Variants in DMXL2 observed in about 807,000 individuals in gnomAD.
The protein encoded by DMXL2 is dmX-like protein 2.
DMXL2 carries 103 observed loss-of-function variants against 331.1 expected under a neutral mutation model. That is an observed-to-expected ratio of 0.31 (90% CI 0.27 to 0.37). The LOEUF (loss-of-function observed/expected upper bound fraction) is 0.37, where lower values mean the gene tolerates loss of function less well. Among genes scored for constraint, DMXL2 ranks in the 10% least tolerant of loss-of-function variants. The pLI is 1.00. For missense variants in DMXL2, 3,171 were observed against 3,642.9 expected (o/e 0.87, Z 3.33); for synonymous variants, 1,281 against 1,252.1 (o/e 1.02, Z -0.49).
chr15:51,595,762 G>T (rs1272358726), intron 1 of DMXL2, among the ~76,000 whole-genome samples: 1 of 152,152 alleles, frequency 6.6e-6, no homozygotes, highest in African/African-American at 2.4e-5. Flanking sequence ...CAGAAATAAT[G>T]CCACATATCT....
rs1169208650 is a variant in DMXL2, at chr15:51,474,379, A to C, written c.7178T>G (p.Val2393Gly). 1.2e-5 allele frequency: 20 copies of C among 1,611,470 alleles called. No homozygotes were observed. The highest frequency in any genetic ancestry group is 1.7e-5 in the Non-Finnish European group (20 of 1,177,712). The change falls in exon 28 of 44, where the codon GTT (valine) becomes GGT (glycine). Residue 2393 changes from valine (V) to glycine (G), a missense_variant. Physicochemically the swap from Val to Gly is moderately radical, Grantham distance 109. Transcript: ENST00000560891. ...TTCTGATTGTCTTCGAGGTTTCACA[A>C]CAAGTTTTACACCGCCTCCAAAAAC... ...AAVFGGGVKLVVKPRRQSENI... is the reference protein window; with the variant it reads ...AAVFGGGVKLGVKPRRQSENI...
chr15:51,465,698 A>C, intron 30 of DMXL2, 47 bp from the exon 31 acceptor site: 1 of 1,360,620 alleles, frequency 7.3e-7, no homozygotes, highest in Non-Finnish European at 1.0e-6. Flanking sequence ...AAATAAAATC[A>C]TGGGAGAAAC....
chr15:51,547,217 T>G lies in DMXL2; in HGVS notation c.746+13A>C. 6.4e-7 allele frequency: 1 copy of G among 1,573,820 alleles called. No homozygotes were observed. The highest frequency in any genetic ancestry group is 1.4e-5 in the African/African-American group (1 of 72,250). ...AGGATGCAAACTAAAGCTACATGAT[T>G]CATTCATCTAACCTGGGCATATACT... On this transcript the variant is annotated intron_variant, in intron 7 of 43. Coordinates refer to ENST00000560891, the MANE Select transcript of DMXL2 (RefSeq NM_001378457.1).
intron 15 of DMXL2, among the ~76,000 whole-genome samples, chr15:51,513,130 C>A (rs1274159940): frequency 2.0e-5 from 3 of 152,124 alleles, no homozygotes; most frequent in Non-Finnish European, 4.4e-5. Flanking sequence ...CTGAGGAAAT[C>A]TTTTGGCCTG....
chr15:51,590,616 C>T (rs1417934640), intron 1 of DMXL2, among the ~76,000 whole-genome samples: 3 of 151,878 alleles, frequency 2.0e-5, no homozygotes, highest in Non-Finnish European at 4.4e-5. Context: ...TGGACTCAAA[C>T]TCCTAGGCTC....
intron 1 of DMXL2, among the ~76,000 whole-genome samples, chr15:51,592,441 T>C (rs1026626014): frequency 6.6e-5 from 10 of 152,204 alleles, no homozygotes; most frequent in African/African-American, 9.7e-5. Context: ...CTACGTCTCA[T>C]TGGTGTACCT....
rs2140369631 is a variant in DMXL2, at chr15:51,481,445, G to A, written c.5661C>T (p.Thr1887=). ...INLIERKLFF[T]TANAHFKVGC... ...CAACTTTAAAATGAGCATTTGCAGT[G>A]GTAAAGAATAATTTTCTTTCTATGA... Residue 1887 remains threonine (T), a synonymous_variant, in exon 24 of 44, where the codon ACC becomes ACT. Coordinates refer to ENST00000560891, the MANE Select transcript of DMXL2 (RefSeq NM_001378457.1). 1.2e-6 allele frequency: 2 copies of A among 1,612,376 alleles called. No individual in the cohort carries two copies. The highest frequency in any genetic ancestry group is 1.1e-5 in the South Asian group (1 of 90,806).
chr15:51,453,803 C>T (rs1023120618), intron 40 of DMXL2, among the ~76,000 whole-genome samples, 162 bp from the exon 41 acceptor site: 2 of 152,190 alleles, frequency 1.3e-5, no homozygotes, highest in Non-Finnish European at 2.9e-5. Context: ...TGAGGCTTAA[C>T]TGTCATGTGT....
chr15:51,611,956 C>T (rs1450960824), intron 1 of DMXL2, among the ~76,000 whole-genome samples: 1 of 152,232 alleles, frequency 6.6e-6, no homozygotes, highest in Non-Finnish European at 1.5e-5. Context: ...CGGCAACCCG[C>T]TCGGGTCCCC....
intron 31 of DMXL2, 45 bp from the exon 32 acceptor site, chr15:51,464,921 GATC>G (rs769009895): frequency 6.5e-5 from 94 of 1,449,858 alleles, no homozygotes; most frequent in Admixed American, 1.2e-4. Context: ...AAAAAATATC[GATC>G]ATCACCCAAA....
intron 32 of DMXL2, among the ~76,000 whole-genome samples, 168 bp downstream of exon 32, chr15:51,464,507 G>A (rs1243600288): frequency 6.6e-6 from 1 of 152,142 alleles, no homozygotes; most frequent in Non-Finnish European, 1.5e-5. Flanking sequence ...ATAATACTGG[G>A]AAAAATTCTA....
rs1436324238 is a variant in DMXL2 at position 51,448,851 on chromosome 15, C to T, written c.*133G>A. 4 of 877,774 alleles carry T rather than the reference C, an allele frequency of 4.6e-6. No homozygotes were observed. The highest frequency in any genetic ancestry group is 2.7e-5 in the East Asian group (1 of 37,728). The allele number at this position is 877,774 out of a possible 1,614,324, so 54.4% of individuals were successfully genotyped here. A position where few individuals can be genotyped will look rare whatever the true frequency, so the allele number is the denominator to read the frequency against. ...TCCACCAACCTGTTTAGATAATACT[C>T]AGCTTGGGTCATATTCAAATTCTAC... On this transcript the variant is annotated 3_prime_UTR_variant, in exon 44 of 44. Coordinates refer to ENST00000560891, the MANE Select transcript of DMXL2 (RefSeq NM_001378457.1).
Position 51,488,178 on chromosome 15 carries a change from G to A in DMXL2, c.5052-59C>T, listed in dbSNP as rs1334179808. On this transcript the variant is annotated intron_variant, in intron 21 of 43. Transcript: ENST00000560891. The stretch of plus-strand genomic sequence containing the variant: ...CCAAATTTAAAATGTTCTACAGAAT[G>A]TATAATAATATAAAATAAAAACCTC... 4 of 1,394,592 alleles carry A rather than the reference G, an allele frequency of 2.9e-6. No homozygotes were observed. In the African/African-American group the frequency reaches 5.9e-5, roughly 21 times the overall value. 86.4% of individuals were successfully genotyped at this position (1,394,592 alleles called of 1,614,324 possible).
At chr15:51,533,030 C>A (rs2048093761) in intron 13 of DMXL2, among the ~76,000 whole-genome samples, 1 of 152,170 alleles carries the variant, frequency 6.6e-6, no homozygotes, top group South Asian at 2.1e-4. Flanking sequence ...TTTGTATATT[C>A]TGGCCATAAC....
chr15:51,592,891 C>A (rs2052497511), intron 1 of DMXL2, among the ~76,000 whole-genome samples: 1 of 152,118 alleles, frequency 6.6e-6, no homozygotes, highest in African/African-American at 2.4e-5. Flanking sequence ...GCCAGGCCTG[C>A]CCTAAAAGAG....
chr15:51,621,974 T>A (rs1158797489), intron 1 of DMXL2, among the ~76,000 whole-genome samples: 3 of 152,190 alleles, frequency 2.0e-5, no homozygotes, highest in African/African-American at 7.2e-5. Flanking sequence ...AGCTCCTCGC[T>A]GCCCTAGCAC....
At position 51,598,449 on chromosome 15, in the gene DMXL2, A is replaced by C. The variant is rs956795005; in HGVS notation, c.88-22268T>G. Among the ~76,000 whole-genome samples the C allele has an allele frequency of 2.6e-5, 4 of 152,192 alleles. No individual in the cohort carries two copies. In the South Asian group the frequency reaches 8.3e-4, roughly 31 times the overall value. On this transcript the variant is annotated intron_variant, in intron 1 of 43. Coordinates refer to ENST00000560891, the MANE Select transcript of DMXL2 (RefSeq NM_001378457.1). The stretch of plus-strand genomic sequence containing the variant: ...AGATCGGGCAATGGATACTGATAAA[A>C]TACTATTATCTATAGAGCTTAGATT...
chr15:51,591,138 G>C (rs147073893), intron 1 of DMXL2, among the ~76,000 whole-genome samples: 4 of 152,202 alleles, frequency 2.6e-5, no homozygotes, highest in Non-Finnish European at 5.9e-5. Context: ...GCGAGGCATC[G>C]CCTCACCCAG....
chr15:51,551,810 AT>A (rs1433708480), intron 6 of DMXL2, among the ~76,000 whole-genome samples: 2 of 152,246 alleles, frequency 1.3e-5, no homozygotes, highest in Non-Finnish European at 2.9e-5. Context: ...CACAGAGCTT[AT>A]TCTTTAGAAA....
Sources: gnomAD v4.1 joint callset for allele counts (sites outside exome capture counted in the v4.1 genomes callset) on GRCh38, gnomAD v4.1.1 for gene constraint, MANE v1.5 for transcripts, NCBI Gene and HGNC (gene_info 2026-07-23, HGNC 2026-07-21) for gene names.